SETD1B: variants seen among roughly 807,000 people sequenced by gnomAD.
SETD1B encodes histone-lysine N-methyltransferase SETD1B.
In SETD1B, 7 loss-of-function variants were observed where a neutral mutation model predicts 148.0. The observed-to-expected ratio is 0.05, with a 90% CI of 0.03 to 0.09. The LOEUF (loss-of-function observed/expected upper bound fraction) is 0.09. Ranked by LOEUF, SETD1B falls within the 10% of genes least tolerant of loss-of-function variation. The pLI, the probability that SETD1B is intolerant of heterozygous loss-of-function variation, is 1.00. For missense variants in SETD1B, 2,155 were observed against 2,729.9 expected (o/e 0.79, Z 4.69); for synonymous variants, 1,361 against 1,186.5 (o/e 1.15, Z -3.02).
intron 11 of SETD1B, among the ~76,000 whole-genome samples, chr12:121,820,391 A>C (rs1462446906): frequency 6.6e-6 from 1 of 152,256 alleles, no homozygotes; most frequent in Non-Finnish European, 1.5e-5. Flanking sequence ...GCTGTCCAGC[A>C]CTGTAGCCTT....
chr12:121,804,932 C>G lies in SETD1B; in HGVS notation c.174+21C>G, dbSNP rs545391142. 2.0e-6 allele frequency: 3 copies of G among 1,478,706 alleles called. No individual in the cohort carries two copies. Among genetic ancestry groups the G allele is most frequent in the Admixed American group, 2.5e-5 (1 of 40,026 alleles). 91.6% of individuals were successfully genotyped at this position (1,478,706 alleles called of 1,614,324 possible). On this transcript the variant is annotated intron_variant, in intron 2 of 16. Coordinates refer to ENST00000604567, the MANE Select transcript of SETD1B (RefSeq NM_001353345.2). This position sits in a 1 kb window ranked among gnomAD's most constrained non-coding sequence, Gnocchi z 4.6. Reference sequence around the variant, plus strand: ...TGGCGGTGAGTAGCCGGCGCGCCCCCCCAGCCGTGCCCCGCGTCGTGTCCG... The same window carrying G: ...TGGCGGTGAGTAGCCGGCGCGCCCCGCCAGCCGTGCCCCGCGTCGTGTCCG...
Position 121,819,704 on chromosome 12 carries a change from C to G in SETD1B, c.3719C>G (p.Ala1240Gly). The change falls in exon 11 of 17, where the codon GCT becomes GGT. Residue 1240 changes from alanine (A) to glycine (G), a missense_variant. Around this residue, in one of 11 missense-constraint regions of SETD1B, gnomAD observed 862 missense variants for 873.8 expected, o/e 0.99. Transcript: ENST00000604567. ...MEEEVDIETE[A>G]VAPEERPSML... ...GAGGAGGTGGACATCGAGACTGAGG[C>G]TGTGGCCCCTGAGGAGCGGCCCTCC... 6.4e-7 allele frequency: 1 copy of G among 1,551,142 alleles called. No individual in the cohort carries two copies.
At position 121,810,944 on chromosome 12, in the gene SETD1B, C is replaced by T; in HGVS notation, c.1890+109C>T. The T allele has an allele frequency of 7.5e-7, 1 of 1,326,450 alleles. No homozygotes were observed. The highest frequency in any genetic ancestry group is 2.6e-5 in the East Asian group (1 of 38,466). The allele number at this position is 1,326,450 out of a possible 1,614,324, so 82.2% of individuals were successfully genotyped here. The stretch of plus-strand genomic sequence containing the variant: ...TAGCTAAGATGCGGAAGCAATGGGG[C>T]TAGGAAAGCCAATATAACAGGTGGA... On this transcript the variant is annotated intron_variant, in intron 6 of 16. Coordinates refer to ENST00000604567, the MANE Select transcript of SETD1B (RefSeq NM_001353345.2). The surrounding 1 kb of genome is among the most constrained non-coding windows in gnomAD (Gnocchi z 7.6).
At chr12:121,802,668 CATGA>C (rs1229637359), upstream of SETD1B, 3 of 152,094 alleles carry the variant, frequency 2.0e-5, no homozygotes, top group East Asian at 1.9e-4. Context: ...TAACTGCTGA[CATGA>C]ATGGTGTGCT....
At chr12:121,799,790 C>G (rs1243015206), upstream of SETD1B, 2 of 147,844 alleles carry the variant, frequency 1.4e-5, no homozygotes, top group East Asian at 2.0e-4. Flanking sequence ...CCTCCCTGGG[C>G]TGCAGGCCAG....
At chr12:121,825,066 A>C in intron 12 of SETD1B, 134 bp from the exon 13 acceptor site, 2 of 848,900 alleles carry the variant, frequency 2.4e-6, no homozygotes, top group Non-Finnish European at 3.5e-6. Context: ...AGCCACGTGG[A>C]GGTGGCATGG....
At position 121,825,204 on chromosome 12, in the gene SETD1B, C is replaced by T; in HGVS notation, c.5175C>T (p.Thr1725=). Reference sequence around the variant, plus strand: ...TGGCCCTTGACCCACACCCACCCACCAGCCTCTCTTCAGCTAAGAAGAAGA... The same window carrying T: ...TGGCCCTTGACCCACACCCACCCACTAGCCTCTCTTCAGCTAAGAAGAAGA... The part of the protein sequence containing the change: ...NDTLWVYHPS[T]SLSSAKKKKR... The change falls in exon 13 of 17, where the codon ACC becomes ACT. Residue 1725 remains threonine, a synonymous_variant. Coordinates refer to ENST00000604567, the MANE Select transcript of SETD1B (RefSeq NM_001353345.2). 5 of 1,551,464 alleles carry T rather than the reference C, an allele frequency of 3.2e-6. No homozygotes were observed. Among genetic ancestry groups the T allele is most frequent in the Admixed American group, 2.0e-5 (1 of 50,998 alleles).
rs1876337175 is a variant in SETD1B at position 121,817,311 on chromosome 12, C to G, written c.2977+17C>G. ...AAGATGAAGGTTCGTGCTCTGGGTG[C>G]TGGGGTCCCCTTCTTCCGCATCCCC... is the stretch of plus-strand genomic sequence containing the variant. On this transcript the variant is annotated intron_variant, in intron 8 of 16. Coordinates refer to ENST00000604567, the MANE Select transcript of SETD1B (RefSeq NM_001353345.2). The surrounding 1 kb of genome is among the most constrained non-coding windows in gnomAD (Gnocchi z 8.1). 1 of 1,545,572 alleles carries G rather than the reference C, an allele frequency of 6.5e-7. No homozygotes were observed. Among genetic ancestry groups the G allele is most frequent in the Non-Finnish European group, 8.7e-7 (1 of 1,143,470 alleles).
Position 121,805,294 on chromosome 12 carries a change from C to T in SETD1B, c.273+78C>T. 1 of 1,247,300 alleles carries T rather than the reference C, an allele frequency of 8.0e-7. No individual in the cohort carries two copies. Among genetic ancestry groups the T allele is most frequent in the Non-Finnish European group, 1.1e-6 (1 of 882,648 alleles). The allele number at this position is 1,247,300 out of a possible 1,614,324, so 77.3% of individuals were successfully genotyped here. On this transcript the variant is annotated intron_variant, in intron 3 of 16. Transcript: ENST00000604567. This position sits in a 1 kb window ranked among gnomAD's most constrained non-coding sequence, Gnocchi z 4.2. ...AAAATAACGCCAGTCCTGACCGAGC[C>T]CAGCCGGATTCCCAGTTCCCGCCGT...
At position 121,810,155 on chromosome 12, in the gene SETD1B, G is replaced by A; in HGVS notation, c.1210G>A (p.Val404Met). The A allele has an allele frequency of 6.5e-7, 1 of 1,549,966 alleles. No individual in the cohort carries two copies. ...TGCTTTCTCTCCGTATCAGACCCCA[G>A]TGGCCCACTTCCCTCCACCCCCGGA... is the stretch of plus-strand genomic sequence containing the variant. The part of the protein sequence containing the change: ...KSAFSPYQTP[V>M]AHFPPPPEEP... Residue 404 changes from valine (V) to methionine (M), a missense_variant, in exon 6 of 17, where the codon GTG becomes ATG. Physicochemically the swap from Val to Met is conservative, Grantham distance 21. Transcript: ENST00000604567. This position sits in a 1 kb window ranked among gnomAD's most constrained non-coding sequence, Gnocchi z 7.6.
intron 11 of SETD1B, among the ~76,000 whole-genome samples, chr12:121,821,794 T>C (rs919380602): frequency 3.3e-4 from 50 of 151,556 alleles, no homozygotes; most frequent in African/African-American, 1.2e-3. Context: ...ATGAAAAAGA[T>C]GTATTCTGTG....
Position 121,822,706 on chromosome 12 carries a change from C to T in SETD1B, c.4127C>T (p.Thr1376Ile). The change falls in exon 12 of 17, where the codon ACA becomes ATA. Residue 1376 changes from threonine (T) to isoleucine (I), a missense_variant. By Grantham distance (89) the Thr-to-Ile change is moderately conservative (BLOSUM62 -1). Transcript: ENST00000604567. ...LCGSLAKSQS[T>I]ETVPATPGGE... ...GGCAGCCTGGCCAAGTCGCAGAGCA[C>T]AGAGACGGTGCCAGCCACACCAGGC... The T allele has an allele frequency of 6.5e-7, 1 of 1,532,082 alleles. No homozygotes were observed. The highest frequency in any genetic ancestry group is 8.8e-7 in the Non-Finnish European group (1 of 1,132,818). The allele number at this position is 1,532,082 out of a possible 1,614,324, so 94.9% of individuals were successfully genotyped here.
upstream of SETD1B, chr12:121,800,660 CCGGCGCG>C (rs969866523): frequency 1.3e-5 from 2 of 149,936 alleles, no homozygotes; most frequent in Admixed American, 1.3e-4. Flanking sequence ...CTCCTCCCGC[CCGGCGCG>C]CGGCGGCCGC....
At chr12:121,798,164 C>T in the SETD1B span, among the ~76,000 whole-genome samples, 3 of 152,240 alleles carry the variant, frequency 2.0e-5, no homozygotes, top group Non-Finnish European at 2.9e-5. Context: ...CCTGGAACCC[C>T]ATCCTGGCTC....
Position 121,825,216 on chromosome 12 carries a change from A to G in SETD1B, c.5187A>G (p.Ser1729=). 6.4e-7 allele frequency: 1 copy of G among 1,551,608 alleles called. No individual in the cohort carries two copies. Among genetic ancestry groups the G allele is most frequent in the Non-Finnish European group, 8.7e-7 (1 of 1,146,988 alleles). The stretch of plus-strand genomic sequence containing the variant: ...CACACCCACCCACCAGCCTCTCTTC[A>G]GCTAAGAAGAAGAAACGGGACGATG... ...WVYHPSTSLS[S]AKKKKRDDGI... Residue 1729 remains serine (S), a synonymous_variant, in exon 13 of 17, where the codon TCA becomes TCG. Transcript: ENST00000604567.
chr12:121,819,840 G>C lies in SETD1B; in HGVS notation c.3855G>C (p.Glu1285Asp), dbSNP rs1042520173. Residue 1285 changes from glutamate (E) to aspartate (D), a missense_variant, in exon 11 of 17, where the codon GAG becomes GAC. Transcript: ENST00000604567. ...AAGGGGCCATGTTGCTGTCTCCAGA[G>C]CCCCCTGCCAAGGAGGTGGAGGCTC... ...SQEGAMLLSP[E>D]PPAKEVEARP... The C allele has an allele frequency of 6.4e-7, 1 of 1,551,334 alleles. No homozygotes were observed. Among genetic ancestry groups the C allele is most frequent in the East Asian group, 2.4e-5 (1 of 40,932 alleles).
intron 10 of SETD1B, 105 bp downstream of exon 10, chr12:121,818,009 T>A: frequency 8.5e-7 from 1 of 1,176,696 alleles, no homozygotes; most frequent in Non-Finnish European, 1.2e-6. Flanking sequence ...ATGTTGTGCT[T>A]TTGAGACGTT....
rs1434056398 is a variant in SETD1B at position 121,817,014 on chromosome 12, C to G, written c.2716-19C>G. 1 of 1,490,098 alleles carries G rather than the reference C, an allele frequency of 6.7e-7. No individual in the cohort carries two copies. The highest frequency in any genetic ancestry group is 9.0e-7 in the Non-Finnish European group (1 of 1,112,982). 92.3% of individuals were successfully genotyped at this position (1,490,098 alleles called of 1,614,324 possible). ...GTGGTGCCAGAAGCGGTGACGGTCC[C>G]CTCCTGTCTCCACCCCAGGCCTCGC... On this transcript the variant is annotated intron_variant, in intron 7 of 16. Transcript: ENST00000604567. This position sits in a 1 kb window ranked among gnomAD's most constrained non-coding sequence, Gnocchi z 8.1.
chr12:121,805,376 C>T lies in SETD1B; in HGVS notation c.273+160C>T, dbSNP rs948856626. On this transcript the variant is annotated intron_variant, in intron 3 of 16. Transcript: ENST00000604567. The surrounding 1 kb of genome is among the most constrained non-coding windows in gnomAD (Gnocchi z 4.2). ...TAGAGCGCTGGCGAGAGGGTGTCCC[C>T]TCTCAGCTACTGAAAACAAAATAAC... Among the ~76,000 whole-genome samples the T allele has an allele frequency of 6.6e-6, 1 of 152,130 alleles. No individual in the cohort carries two copies. Among genetic ancestry groups the T allele is most frequent in the African/African-American group, 2.4e-5 (1 of 41,426 alleles).
Sources: gnomAD v4.1 joint callset for allele counts (sites outside exome capture counted in the v4.1 genomes callset) on GRCh38, gnomAD v4.1.1 for gene constraint, gnomAD v4.1.1 regional missense constraint, Gnocchi (gnomAD v3.1) non-coding constraint, MANE v1.5 for transcripts, NCBI Gene and HGNC (gene_info 2026-07-23, HGNC 2026-07-21) for gene names.